The following PPP2R2B variants were observed in gnomAD, a reference collection of about 807,000 sequenced individuals.
PPP2R2B encodes the protein protein phosphatase 2 regulatory subunit Bbeta.
PPP2R2B carries 5 observed loss-of-function variants against 46.0 expected under a neutral mutation model. The observed-to-expected ratio is 0.11, with a 90% CI of 0.06 to 0.23. The LOEUF is 0.23. Among genes scored for constraint, PPP2R2B ranks in the 10% least tolerant of loss-of-function variants. The pLI is 1.00. For missense variants in PPP2R2B, 367 were observed against 575.0 expected, an observed-to-expected ratio of 0.64 and a Z score of 3.70; for synonymous variants, 215 against 206.7, an observed-to-expected ratio of 1.04 and a Z score of -0.34.
At chr5:146,601,079 A>C (rs1771736572) in intron 7 of PPP2R2B, among the ~76,000 whole-genome samples, 1 of 152,098 alleles carries the variant, frequency 6.6e-6, no homozygotes, top group African/African-American at 2.4e-5. Context: ...CTTGGCATAA[A>C]ATTTTCAAGG....
intron 1 of PPP2R2B, among the ~76,000 whole-genome samples, chr5:147,046,172 G>A (rs981256766): frequency 2.0e-5 from 3 of 152,096 alleles, no homozygotes; most frequent in African/African-American, 7.2e-5. Flanking sequence ...CTTTATGTGT[G>A]TGTTTGTATT....
chr5:146,947,814 G>A (rs1195518808), intron 1 of PPP2R2B, among the ~76,000 whole-genome samples: 1 of 151,638 alleles, frequency 6.6e-6, no homozygotes, highest in African/African-American at 2.4e-5. Flanking sequence ...GCAACCCTGT[G>A]TTCTCATGAG....
chr5:146,774,677 C>T (rs1265647812), intron 2 of PPP2R2B, among the ~76,000 whole-genome samples: 7 of 151,788 alleles, frequency 4.6e-5, no homozygotes, highest in Admixed American at 1.3e-4. Flanking sequence ...ATTAGCTGGG[C>T]GTGGTGGTGC....
chr5:147,055,958 A>T, exon 1 of PPP2R2B: 1 of 1,384,990 alleles, frequency 7.2e-7, no homozygotes, highest in South Asian at 1.6e-5. Context: ...TGCAGCTCAA[A>T]CTCAGAAGCC....
At chr5:146,937,863 T>C (rs751178374) in intron 1 of PPP2R2B, among the ~76,000 whole-genome samples, 95 of 152,204 alleles carry the variant, frequency 6.2e-4, no homozygotes, top group Non-Finnish European at 9.0e-4. Flanking sequence ...ACAAAGGTTT[T>C]GAAAGAAAAT....
intron 7 of PPP2R2B, among the ~76,000 whole-genome samples, chr5:146,606,690 C>A (rs1324892809): frequency 6.6e-6 from 1 of 152,150 alleles, no homozygotes; most frequent in Non-Finnish European, 1.5e-5. Flanking sequence ...ATCTTAAGAA[C>A]CAGTTGTGGT....
chr5:146,923,870 C>T (rs1377662509), intron 1 of PPP2R2B, among the ~76,000 whole-genome samples: 1 of 152,206 alleles, frequency 6.6e-6, no homozygotes, highest in Non-Finnish European at 1.5e-5. Flanking sequence ...TACATATACA[C>T]CGTGGACTAC....
intron 5 of PPP2R2B, among the ~76,000 whole-genome samples, chr5:146,662,987 T>TTATAAAAGATTC (rs1388247882): frequency 4.6e-5 from 7 of 152,332 alleles, no homozygotes; most frequent in African/African-American, 1.7e-4. Flanking sequence ...ATCTTTAATC[T>TTATAAAAGATTC]TATAAAAGAT....
chr5:146,698,599 G>A (rs1356115228), intron 3 of PPP2R2B, among the ~76,000 whole-genome samples: 1 of 151,716 alleles, frequency 6.6e-6, no homozygotes, highest in Non-Finnish European at 1.5e-5. Flanking sequence ...GACTTTCATT[G>A]GCCTTTTAAG....
chr5:146,630,237 C>G (rs2151069255), intron 7 of PPP2R2B, among the ~76,000 whole-genome samples: 1 of 152,340 alleles, frequency 6.6e-6, no homozygotes, highest in Non-Finnish European at 1.5e-5. Context: ...TGTTGGCTTT[C>G]TCTTTGGATC....
chr5:146,730,257 C>G (rs758147997), intron 2 of PPP2R2B, among the ~76,000 whole-genome samples: 1 of 152,202 alleles, frequency 6.6e-6, no homozygotes, highest in Non-Finnish European at 1.5e-5. Context: ...TTTTGAATAG[C>G]TGGATTTATC....
At chr5:147,024,029 T>C (rs1755409545) in intron 1 of PPP2R2B, among the ~76,000 whole-genome samples, 1 of 152,234 alleles carries the variant, frequency 6.6e-6, no homozygotes, top group African/African-American at 2.4e-5. Flanking sequence ...CCATCATTCT[T>C]GGCCTTTGGG....
chr5:146,810,345 AG>A (rs1482911883), intron 2 of PPP2R2B, among the ~76,000 whole-genome samples: 2 of 152,176 alleles, frequency 1.3e-5, no homozygotes, highest in African/African-American at 4.8e-5. Flanking sequence ...GCCGAGTGAA[AG>A]GAGTTTCCCG....
intron 2 of PPP2R2B, among the ~76,000 whole-genome samples, chr5:146,719,855 T>G (rs1444871752): frequency 6.6e-6 from 1 of 151,656 alleles, no homozygotes; most frequent in Non-Finnish European, 1.5e-5. Context: ...TTTTTCAGTT[T>G]CTTTAGAAAA....
chr5:146,589,569 T>TA lies in PPP2R2B; in HGVS notation c.*377dup, dbSNP rs955515977. ...TTTCAATCAAATGGAATTGCTTAAT[T>TA]AAAAAAAACTTATCTCTTTTCTCCT... On this transcript the variant is annotated 3_prime_UTR_variant, in exon 10 of 10. Transcript: ENST00000394411. 20 of 167,544 alleles carry TA rather than the reference T, an allele frequency of 1.2e-4. No individual in the cohort carries two copies. The highest frequency in any genetic ancestry group is 2.1e-4 in the Non-Finnish European group (16 of 77,992). The allele number at this position is 167,544 out of a possible 1,614,324, so 10.4% of individuals were successfully genotyped here.
At chr5:146,888,984 G>T (rs1762412099) in intron 1 of PPP2R2B, among the ~76,000 whole-genome samples, 1 of 152,108 alleles carries the variant, frequency 6.6e-6, no homozygotes, top group African/African-American at 2.4e-5. Context: ...ATATTTATTT[G>T]GTTTTGGTTA....
intron 2 of PPP2R2B, among the ~76,000 whole-genome samples, chr5:146,774,545 G>A (rs1001388710): frequency 7.2e-5 from 11 of 151,966 alleles, no homozygotes; most frequent in Non-Finnish European, 1.3e-4. Flanking sequence ...GGCTGGGTGT[G>A]GTGACTCATG....
At chr5:146,895,469 C>A (rs1762616509) in intron 1 of PPP2R2B, among the ~76,000 whole-genome samples, 1 of 152,072 alleles carries the variant, frequency 6.6e-6, no homozygotes, top group Admixed American at 6.5e-5. Flanking sequence ...ATTCCCAGTG[C>A]CTAAGTACTG....
Position 146,589,951 on chromosome 5 carries a change from T to C in PPP2R2B, c.1328A>G (p.Asn443Ser), listed in dbSNP as rs1232149528. The C allele has an allele frequency of 6.2e-7, 1 of 1,612,628 alleles. No individual in the cohort carries two copies. The highest frequency in any genetic ancestry group is 8.5e-7 in the Non-Finnish European group (1 of 1,178,662). The change falls in exon 10 of 10, where the codon AAC becomes AGC. Residue 443 changes from asparagine (N) to serine (S), a missense_variant. Asn to Ser is a conservative substitution (Grantham distance 46). Around this residue, in one of 2 missense-constraint regions of PPP2R2B, gnomAD observed 6 missense variants for 29.5 expected, o/e 0.20. Coordinates refer to ENST00000394411, the MANE Select transcript of PPP2R2B (RefSeq NM_181675.4). ...ATTAAGTAATAACTTGTCCACCTAG[T>C]TAACCTTGTCCTGGAATATATATAG... Reference protein sequence around the residue: ...NNLYIFQDKVN With the variant: ...NNLYIFQDKVS
Sources: allele counts gnomAD v4.1 joint callset (sites outside exome capture counted in the v4.1 genomes callset), GRCh38; gene constraint gnomAD v4.1.1; regional missense constraint gnomAD v4.1.1; transcripts MANE v1.5; gene names NCBI Gene and HGNC (gene_info 2026-07-23, HGNC 2026-07-21).